The following RUVBL1 variants were observed in gnomAD, a reference collection of about 807,000 sequenced individuals.
RUVBL1 encodes the protein RuvB like AAA ATPase 1, also known as ruvB-like 1.
In RUVBL1, 4 loss-of-function variants were observed where a neutral mutation model predicts 52.4. The ratio of observed to expected loss-of-function variants is 0.08; its 90% CI spans 0.04 to 0.17. The LOEUF is 0.17. RUVBL1 is among the 10% of genes least tolerant of loss of function. The pLI, the probability that RUVBL1 is intolerant of heterozygous loss-of-function variation, is 1.00. For missense variants in RUVBL1, 298 were observed against 572.8 expected (o/e 0.52, Z 4.90); for synonymous variants, 217 against 214.4 (o/e 1.01, Z -0.10).
chr3:128,151,215 C>T (rs1944206217), intron 1 of RUVBL1, among the ~76,000 whole-genome samples: 1 of 132,920 alleles, frequency 7.5e-6, no homozygotes, highest in African/African-American at 2.9e-5. Flanking sequence ...TATATATACA[C>T]TGTATATATT....
chr3:128,112,763 G>A, intron 3 of RUVBL1, 125 bp downstream of exon 3: 1 of 1,095,032 alleles, frequency 9.1e-7, no homozygotes, highest in Non-Finnish European at 1.3e-6. Context: ...GCACTACTAA[G>A]TGCCAAAAGA....
At chr3:128,096,194 C>A (rs1395919052) in intron 8 of RUVBL1, among the ~76,000 whole-genome samples, 1 of 152,194 alleles carries the variant, frequency 6.6e-6, no homozygotes, top group East Asian at 1.9e-4. Flanking sequence ...TTTGTGCCCC[C>A]AGCACTGCAG....
chr3:128,119,458 G>A (rs762221880), intron 1 of RUVBL1, 44 bp from the exon 2 acceptor site: 1 of 1,515,758 alleles, frequency 6.6e-7, no homozygotes, highest in African/African-American at 1.4e-5. Context: ...ATATTAAAAT[G>A]TTTCACAAGG....
At chr3:128,153,789 C>G in exon 1 of RUVBL1, 1 of 1,527,184 alleles carries the variant, frequency 6.5e-7, no homozygotes. Context: ...TCGACTGCCC[C>G]GGGCACGCCT....
At position 128,149,978 on chromosome 3, in the gene RUVBL1, G is replaced by A. The variant is rs185657426; in HGVS notation, c.-40+3225C>T. Among the ~76,000 whole-genome samples, 607 of 152,282 alleles carry A rather than the reference G, an allele frequency of 4.0e-3. 1 individual carries two copies. Among genetic ancestry groups the A allele is most frequent in the South Asian group, 0.014 (66 of 4,822 alleles). On this transcript the variant is annotated intron_variant, in intron 1 of 9. Coordinates refer to the RUVBL1 transcript ENST00000464873. The stretch of plus-strand genomic sequence containing the variant: ...AGCTTCTTCTCTTCAGCCCCACCTC[G>A]CCACGTGCCACATGGCTTAGGTTGC...
intron 3 of RUVBL1, among the ~76,000 whole-genome samples, chr3:128,109,383 A>C (rs1041878948): frequency 2.6e-5 from 4 of 152,068 alleles, no homozygotes; most frequent in Non-Finnish European, 5.9e-5. Flanking sequence ...CATCTCTACA[A>C]AAACAATTTT....
chr3:128,081,577 A>C lies in RUVBL1; in HGVS notation c.1212-168T>G. The C allele has an allele frequency of 1.5e-6, 1 of 667,340 alleles. No individual in the cohort carries two copies. The allele number at this position is 667,340 out of a possible 1,614,324, so 41.3% of individuals were successfully genotyped here. A position where few individuals can be genotyped will look rare whatever the true frequency, so the allele number is the denominator to read the frequency against. ...GAGACAAAGTTGTCACTTCTCAGAG[A>C]GCTGCAGTCATTATCCCATCAGAGA... On this transcript the variant is annotated intron_variant, in intron 10 of 10. Transcript: ENST00000322623. The surrounding 1 kb of genome is among the most constrained non-coding windows in gnomAD (Gnocchi z 4.8).
intron 1 of RUVBL1, 30 bp downstream of exon 1, chr3:128,123,554 G>GCC (rs752473535): frequency 1.9e-4 from 293 of 1,553,120 alleles, no homozygotes; most frequent in Non-Finnish European, 2.3e-4. Flanking sequence ...CCTGCTTGCA[G>GCC]CCCCCAACTC....
upstream of RUVBL1, among the ~76,000 whole-genome samples, chr3:128,128,278 G>A (rs1455061446): frequency 6.6e-6 from 1 of 152,186 alleles, no homozygotes; most frequent in Non-Finnish European, 1.5e-5. Context: ...ATTAGCCATA[G>A]CACCCAGCAG....
chr3:128,083,319 T>A (rs1475194170), intron 9 of RUVBL1: 1 of 152,268 alleles, frequency 6.6e-6, no homozygotes, highest in Non-Finnish European at 1.5e-5. Flanking sequence ...ACAGGAATTT[T>A]TCACTTTGGC....
At position 128,103,536 on chromosome 3, in the gene RUVBL1, G is replaced by A. The variant is rs1216335333; in HGVS notation, c.513+1237C>T. Among the ~76,000 whole-genome samples, 3 of 152,142 alleles carry A rather than the reference G, an allele frequency of 2.0e-5. No homozygotes were observed. The South Asian group carries it at 6.2e-4, about 32-fold the overall frequency. On this transcript the variant is annotated intron_variant, in intron 4 of 10. Coordinates refer to ENST00000322623, the MANE Select transcript of RUVBL1 (RefSeq NM_003707.3). ...CAGAGAATCAAAGAACCATAAAATC[G>A]TAGAACAGAATAAAAATGGAGAAAT...
chr3:128,128,023 CA>C (rs1943819659), upstream of RUVBL1, among the ~76,000 whole-genome samples: 1 of 151,836 alleles, frequency 6.6e-6, no homozygotes, highest in Non-Finnish European at 1.5e-5. Flanking sequence ...TACATACATA[CA>C]TACATACATA....
intron 8 of RUVBL1, among the ~76,000 whole-genome samples, chr3:128,088,408 A>ATATAGTATAATATACAGTATATACTATAT (rs1418125942): frequency 2.7e-5 from 4 of 148,786 alleles, no homozygotes; most frequent in African/African-American, 4.9e-5. Flanking sequence ...TAAACAAATT[A>ATATAGTATAATATACAGTATATACTATAT]TATAGTATAA....
At chr3:128,142,259 G>T (rs1944036266) in intron 1 of RUVBL1, among the ~76,000 whole-genome samples, 1 of 152,204 alleles carries the variant, frequency 6.6e-6, no homozygotes, top group Admixed American at 6.5e-5. Flanking sequence ...CATGGTAGTG[G>T]GGTCAGAGGT....
intron 2 of RUVBL1, among the ~76,000 whole-genome samples, 187 bp downstream of exon 2, chr3:128,119,141 G>C (rs951717989): frequency 2.0e-5 from 3 of 152,160 alleles, no homozygotes; most frequent in Non-Finnish European, 4.4e-5. Flanking sequence ...CTGGAGGTAG[G>C]CCAGGATAAT....
intron 5 of RUVBL1, 87 bp downstream of exon 5, chr3:128,101,472 C>T (rs1441338066): frequency 8.0e-7 from 1 of 1,253,838 alleles, no homozygotes. Flanking sequence ...CACCCCACAC[C>T]CTCTGAAGAA....
chr3:128,088,350 A>T (rs1942718735), intron 8 of RUVBL1, among the ~76,000 whole-genome samples: 1 of 150,096 alleles, frequency 6.7e-6, no homozygotes, highest in South Asian at 2.1e-4. Context: ...AAATAACTAA[A>T]ATCATACTCA....
At chr3:128,093,986 C>T (rs1331532620) in intron 8 of RUVBL1, among the ~76,000 whole-genome samples, 1 of 152,166 alleles carries the variant, frequency 6.6e-6, no homozygotes, top group Non-Finnish European at 1.5e-5. Flanking sequence ...TCAGAGATCC[C>T]TGAGGCCAAG....
chr3:128,081,704 G>A lies in RUVBL1; in HGVS notation c.1212-295C>T. ...AGTAATGTCACTGCTACTGGAAAAG[G>A]ACTGCAAACTTATATGTATACAGGT... On this transcript the variant is annotated intron_variant, in intron 10 of 10. Coordinates refer to ENST00000322623, the MANE Select transcript of RUVBL1 (RefSeq NM_003707.3). The surrounding 1 kb of genome is among the most constrained non-coding windows in gnomAD (Gnocchi z 4.8). The A allele has an allele frequency of 2.8e-6, 1 of 359,338 alleles. No homozygotes were observed. Among genetic ancestry groups the A allele is most frequent in the African/African-American group, 2.0e-5 (1 of 49,588 alleles). 22.3% of individuals were successfully genotyped at this position (359,338 alleles called of 1,614,324 possible). A position where few individuals can be genotyped will look rare whatever the true frequency, so the allele number is the denominator to read the frequency against.
Sources: gnomAD v4.1 joint callset for allele counts (sites outside exome capture counted in the v4.1 genomes callset) on GRCh38, gnomAD v4.1.1 for gene constraint, Gnocchi (gnomAD v3.1) non-coding constraint, MANE v1.5 for transcripts, NCBI Gene and HGNC (gene_info 2026-07-23, HGNC 2026-07-21) for gene names.